ATG7: variants seen among roughly 807,000 people sequenced by gnomAD.
ATG7 encodes the protein autophagy related 7.
Under a neutral mutation model 82.4 loss-of-function variants are expected in ATG7, and 70 were observed. The ratio of observed to expected loss-of-function variants is 0.85; its 90% CI spans 0.70 to 1.04. The LOEUF (loss-of-function observed/expected upper bound fraction) is 1.04, where lower values mean the gene tolerates loss of function less well. ATG7 is among the 50% of genes least tolerant of loss of function. The pLI is 0.00. For synonymous variants in ATG7, 287 were observed against 313.0 expected, an observed-to-expected ratio of 0.92 and a Z score of 0.88; for missense variants, 792 against 864.3, an observed-to-expected ratio of 0.92 and a Z score of 1.05.
chr3:11,331,590 A>T (rs1439992995), intron 10 of ATG7, among the ~76,000 whole-genome samples, 162 bp downstream of exon 10: 2 of 152,164 alleles, frequency 1.3e-5, no homozygotes, highest in South Asian at 4.1e-4. Flanking sequence ...CCCAATTTCC[A>T]TACTAGTGAA....
intron 12 of ATG7, 104 bp from the exon 13 acceptor site, chr3:11,342,031 A>AT: frequency 7.5e-7 from 1 of 1,329,066 alleles, no homozygotes; most frequent in Non-Finnish European, 1.0e-6. Context: ...TTTGATCCCA[A>AT]TTTCCTTATT....
At chr3:11,462,980 G>T (rs1479136004) in intron 20 of ATG7, among the ~76,000 whole-genome samples, 1 of 151,824 alleles carries the variant, frequency 6.6e-6, no homozygotes, top group Non-Finnish European at 1.5e-5. Flanking sequence ...CTGCCTCCTG[G>T]GTTCAAGCGA....
At chr3:11,405,107 G>A (rs1235020660) in intron 19 of ATG7, among the ~76,000 whole-genome samples, 2 of 152,198 alleles carry the variant, frequency 1.3e-5, no homozygotes, top group Non-Finnish European at 2.9e-5. Context: ...AGATCATGAT[G>A]TTAAACAGTT....
chr3:11,382,588 A>T (rs1455842204), intron 19 of ATG7, among the ~76,000 whole-genome samples: 1 of 152,056 alleles, frequency 6.6e-6, no homozygotes, highest in Non-Finnish European at 1.5e-5. Context: ...ATTTCAAAAG[A>T]CCTTATTTGA....
chr3:11,390,049 T>C (rs1411441783), intron 19 of ATG7, among the ~76,000 whole-genome samples: 2 of 152,340 alleles, frequency 1.3e-5, no homozygotes, highest in African/African-American at 4.8e-5. Flanking sequence ...AAAGTGGGGA[T>C]TGAGGCAAGT....
intron 1 of ATG7, among the ~76,000 whole-genome samples, chr3:11,278,471 C>T (rs569187405): frequency 9.2e-5 from 14 of 152,322 alleles, no homozygotes; most frequent in South Asian, 8.3e-4. Context: ...CGTGACTTCC[C>T]GCAACAGAAC....
At chr3:11,279,690 T>G (rs979671632) in intron 1 of ATG7, among the ~76,000 whole-genome samples, 2 of 151,768 alleles carry the variant, frequency 1.3e-5, no homozygotes, top group African/African-American at 4.8e-5. Context: ...GTCTCAAGAC[T>G]CCGTCTCAAA....
intron 20 of ATG7, among the ~76,000 whole-genome samples, chr3:11,532,294 A>G (rs1407179661): frequency 1.3e-5 from 2 of 152,218 alleles, no homozygotes; most frequent in African/African-American, 2.4e-5. Context: ...GCCGGCACAC[A>G]TCATCTGCAA....
At chr3:11,439,120 A>AGC (rs1161842281) in intron 20 of ATG7, among the ~76,000 whole-genome samples, 1 of 142,722 alleles carries the variant, frequency 7.0e-6, no homozygotes, top group Non-Finnish European at 1.5e-5. Flanking sequence ...ACAGGCTGGA[A>AGC]TGCAGTGGCG....
chr3:11,539,863 C>T (rs531708894), intron 20 of ATG7, among the ~76,000 whole-genome samples: 1 of 152,374 alleles, frequency 6.6e-6, no homozygotes, highest in South Asian at 2.1e-4. Flanking sequence ...CCCTGCACAG[C>T]CGCCTGGAGG....
chr3:11,426,077 C>A (rs2082338696), intron 19 of ATG7, among the ~76,000 whole-genome samples: 1 of 152,128 alleles, frequency 6.6e-6, no homozygotes, highest in Non-Finnish European at 1.5e-5. Context: ...GCTGTGGACA[C>A]TTTTGTTTGT....
intron 19 of ATG7, among the ~76,000 whole-genome samples, chr3:11,390,048 A>AT (rs1402346007): frequency 6.6e-6 from 1 of 152,194 alleles, no homozygotes; most frequent in Non-Finnish European, 1.5e-5. Flanking sequence ...GAAAGTGGGG[A>AT]TTGAGGCAAG....
intron 20 of ATG7, among the ~76,000 whole-genome samples, chr3:11,455,662 C>G (rs1559660899): frequency 6.6e-6 from 1 of 152,196 alleles, no homozygotes; most frequent in Non-Finnish European, 1.5e-5. Flanking sequence ...GGATTCTGCC[C>G]AGACCGGGGC....
At chr3:11,383,758 T>C (rs1010789297) in intron 19 of ATG7, among the ~76,000 whole-genome samples, 2 of 152,200 alleles carry the variant, frequency 1.3e-5, no homozygotes, top group African/African-American at 2.4e-5. Context: ...GTATCCTGGA[T>C]ATATTTACTC....
At chr3:11,332,804 T>C (rs1454234719) in intron 10 of ATG7, 168 bp from the exon 11 acceptor site, 1 of 575,896 alleles carries the variant, frequency 1.7e-6, no homozygotes, top group Non-Finnish European at 2.6e-6. Context: ...GAGCCATATA[T>C]GAATATGTTC....
At chr3:11,284,797 G>A (rs542010975) in intron 3 of ATG7, among the ~76,000 whole-genome samples, 9 of 149,116 alleles carry the variant, frequency 6.0e-5, no homozygotes, top group Non-Finnish European at 1.0e-4. Context: ...TGATCATCCT[G>A]CTTTGGCCTC....
chr3:11,568,067 A>G, the ATG7 span, among the ~76,000 whole-genome samples: 1 of 152,226 alleles, frequency 6.6e-6, no homozygotes, highest in Non-Finnish European at 1.5e-5. This position sits in a 1 kb window ranked among gnomAD's most constrained non-coding sequence, Gnocchi z 5.9. Context: ...TCATGGGCTT[A>G]CAATCTAGCA....
rs551989239 is a variant in ATG7, at chr3:11,536,739, C to T, written c.2080-18072C>T. On this transcript the variant is annotated intron_variant, in intron 20 of 20. Coordinates refer to ENST00000693202, the MANE Select transcript of ATG7 (RefSeq NM_001349232.2). ...ACCGGGGCCGAGCAGCGAAGGACCA[C>T]CCTGGTCTGGTCACCTACGATTCTG... 7.9e-5 allele frequency among the ~76,000 whole-genome samples: 12 copies of T among 152,288 alleles called. No individual in the cohort carries two copies. In the East Asian group the frequency reaches 2.3e-3, roughly 29 times the overall value.
chr3:11,290,440 T>C, intron 3 of ATG7: 3 of 254,200 alleles, frequency 1.2e-5, no homozygotes, highest in South Asian at 1.1e-4. Flanking sequence ...ACTCTGTATT[T>C]ATCAGTTTTC....
Sources: gnomAD v4.1 joint callset for allele counts (sites outside exome capture counted in the v4.1 genomes callset) on GRCh38, gnomAD v4.1.1 for gene constraint, Gnocchi (gnomAD v3.1) non-coding constraint, MANE v1.5 for transcripts, NCBI Gene and HGNC (gene_info 2026-07-23, HGNC 2026-07-21) for gene names.